PLAG1: variants seen among roughly 807,000 people sequenced by gnomAD.
The protein encoded by PLAG1 is zinc finger protein PLAG1.
In PLAG1, 7 loss-of-function variants were observed where a neutral mutation model predicts 35.5. The ratio of observed to expected loss-of-function variants is 0.20; its 90% CI spans 0.11 to 0.37. The LOEUF (loss-of-function observed/expected upper bound fraction) is 0.37, where lower values mean the gene tolerates loss of function less well. Among genes scored for constraint, PLAG1 ranks in the 10% least tolerant of loss-of-function variants. The probability of loss-of-function intolerance (pLI) is 1.00; values close to 1 mark genes in which losing one functional copy is unlikely to be tolerated. For synonymous variants in PLAG1, 229 were observed against 225.4 expected (o/e 1.02, Z -0.14); for missense variants, 454 against 602.8 (o/e 0.75, Z 2.58).
At chr8:56,188,796 G>A (rs1406946957) in intron 1 of PLAG1, among the ~76,000 whole-genome samples, 2 of 151,814 alleles carry the variant, frequency 1.3e-5, no homozygotes, top group Non-Finnish European at 2.9e-5. Context: ...AGGGGAGAAG[G>A]CCACCAATAA....
chr8:56,204,640 C>T (rs563246866), intron 1 of PLAG1, among the ~76,000 whole-genome samples: 2 of 151,902 alleles, frequency 1.3e-5, no homozygotes, highest in African/African-American at 4.8e-5. Flanking sequence ...TTTTTAAAAA[C>T]TGATATGGCA....
rs186751574 is a variant in PLAG1 at position 56,163,684 on chromosome 8, C to T, written c.*2559G>A. The T allele has an allele frequency of 1.4e-3, 255 of 184,410 alleles. 1 individual carries two copies. Among genetic ancestry groups the T allele is most frequent in the African/African-American group, 4.6e-3 (193 of 42,018 alleles). The allele number at this position is 184,410 out of a possible 1,614,324, so 11.4% of individuals were successfully genotyped here. On this transcript the variant is annotated 3_prime_UTR_variant, in exon 5 of 5. Coordinates refer to ENST00000316981, the MANE Select transcript of PLAG1 (RefSeq NM_002655.3). ...ATGTGTGTGTGTGTGTATATATACA[C>T]ACACACACACACACATACACATACA... is the stretch of plus-strand genomic sequence containing the variant.
rs1563369110 is a variant in PLAG1, at chr8:56,162,645, GT to G, written c.*3597del. 1 of 209,712 alleles carries G rather than the reference GT, an allele frequency of 4.8e-6. No individual in the cohort carries two copies. Among genetic ancestry groups the G allele is most frequent in the African/African-American group, 2.3e-5 (1 of 44,022 alleles). The allele number at this position is 209,712 out of a possible 1,614,324, so 13.0% of individuals were successfully genotyped here. A position where few individuals can be genotyped will look rare whatever the true frequency, so the allele number is the denominator to read the frequency against. ...ATCTTGTAATATGTGTAGTATAGAG[GT>G]TGACCAAGCTCTATTTTTTAAAAAA... is the stretch of plus-strand genomic sequence containing the variant. On this transcript the variant is annotated 3_prime_UTR_variant, in exon 5 of 5. Transcript: ENST00000316981.
chr8:56,192,780 C>G (rs573630654), intron 1 of PLAG1, among the ~76,000 whole-genome samples: 1 of 152,096 alleles, frequency 6.6e-6, no homozygotes, highest in Admixed American at 6.6e-5. Flanking sequence ...GAGACTATAA[C>G]GTGTTTGGAG....
chr8:56,170,706 A>C (rs73594278), intron 3 of PLAG1, among the ~76,000 whole-genome samples: 4,691 of 152,250 alleles, frequency 0.031, 107 homozygotes, highest in African/African-American at 0.058. Flanking sequence ...AAGAAAAACA[A>C]CTTCTAAGTT....
chr8:56,207,333 T>C (rs932408530), intron 1 of PLAG1, among the ~76,000 whole-genome samples: 2 of 151,888 alleles, frequency 1.3e-5, no homozygotes, highest in African/African-American at 2.4e-5. Context: ...AAAGGAAAAT[T>C]TGCAGAATAT....
At chr8:56,206,577 C>G (rs1052009698) in intron 1 of PLAG1, among the ~76,000 whole-genome samples, 3 of 151,954 alleles carry the variant, frequency 2.0e-5, no homozygotes, top group Non-Finnish European at 4.4e-5. Flanking sequence ...AATTCCCATG[C>G]ATGAATTCTA....
intron 1 of PLAG1, among the ~76,000 whole-genome samples, chr8:56,180,209 A>G (rs1209765429): frequency 6.6e-6 from 1 of 152,238 alleles, no homozygotes; most frequent in Non-Finnish European, 1.5e-5. Context: ...AGAGAGAAAA[A>G]GAAGCCACAA....
At chr8:56,179,869 TG>T (rs1811813798) in intron 1 of PLAG1, among the ~76,000 whole-genome samples, 1 of 152,160 alleles carries the variant, frequency 6.6e-6, no homozygotes, top group African/African-American at 2.4e-5. Flanking sequence ...AAACCTTTTG[TG>T]GTGTCTATCT....
intron 1 of PLAG1, among the ~76,000 whole-genome samples, chr8:56,190,580 T>C (rs1315329979): frequency 6.6e-6 from 1 of 152,114 alleles, no homozygotes. Flanking sequence ...TAAGTCCACA[T>C]TCCTCTTTGG....
chr8:56,200,439 T>C (rs987747290), intron 1 of PLAG1, among the ~76,000 whole-genome samples: 1 of 152,246 alleles, frequency 6.6e-6, no homozygotes, highest in Non-Finnish European at 1.5e-5. Context: ...CCGCTTCCAA[T>C]GTGGAACATA....
intron 1 of PLAG1, among the ~76,000 whole-genome samples, chr8:56,195,327 A>G (rs1006128558): frequency 2.6e-5 from 4 of 152,174 alleles, no homozygotes; most frequent in African/African-American, 9.7e-5. Flanking sequence ...CATGTTAGGG[A>G]GCCATTACCA....
intron 1 of PLAG1, among the ~76,000 whole-genome samples, chr8:56,181,182 A>C (rs1219764751): frequency 6.6e-6 from 1 of 152,252 alleles, no homozygotes; most frequent in Non-Finnish European, 1.5e-5. Flanking sequence ...ATCTTGAACT[A>C]GAAATACCAT....
intron 1 of PLAG1, among the ~76,000 whole-genome samples, chr8:56,207,400 C>T (rs917435199): frequency 3.3e-5 from 5 of 151,826 alleles, no homozygotes; most frequent in African/African-American, 1.2e-4. Context: ...AGGAATAACC[C>T]CCACCTGTGC....
At chr8:56,191,705 A>G (rs1308696436) in intron 1 of PLAG1, among the ~76,000 whole-genome samples, 1 of 151,938 alleles carries the variant, frequency 6.6e-6, no homozygotes, top group African/African-American at 2.4e-5. Context: ...CATTTAATTC[A>G]GAGTTTGGCA....
At chr8:56,200,443 G>C (rs912970579) in intron 1 of PLAG1, among the ~76,000 whole-genome samples, 2 of 152,206 alleles carry the variant, frequency 1.3e-5, no homozygotes, top group Non-Finnish European at 2.9e-5. Context: ...TTCCAATGTG[G>C]AACATATTCA....
intron 2 of PLAG1, among the ~76,000 whole-genome samples, chr8:56,175,969 T>A (rs765684837): frequency 3.0e-4 from 46 of 152,168 alleles, no homozygotes; most frequent in Admixed American, 2.6e-4. Flanking sequence ...TTTTCCTTGG[T>A]TGTTTATTTT....
intron 1 of PLAG1, among the ~76,000 whole-genome samples, chr8:56,205,056 G>C (rs1467770600): frequency 6.6e-6 from 1 of 151,826 alleles, no homozygotes; most frequent in African/African-American, 2.4e-5. Context: ...CCAGAAATTA[G>C]GAGCTTTGTT....
chr8:56,209,179 T>C (rs754559056), intron 1 of PLAG1: 1 of 152,252 alleles, frequency 6.6e-6, no homozygotes, highest in African/African-American at 2.4e-5. Flanking sequence ...ACAGAATTCA[T>C]AACTGTTCAA....
Sources: gnomAD v4.1 joint callset for allele counts (sites outside exome capture counted in the v4.1 genomes callset) on GRCh38, gnomAD v4.1.1 for gene constraint, MANE v1.5 for transcripts, NCBI Gene and HGNC (gene_info 2026-07-23, HGNC 2026-07-21) for gene names.